Variants in VPS13D observed in about 807,000 individuals in gnomAD.
The protein encoded by VPS13D is vacuolar protein sorting 13 homolog D, also known as intermembrane lipid transfer protein VPS13D.
Under a neutral mutation model 461.9 loss-of-function variants are expected in VPS13D, and 187 were observed. The ratio of observed to expected loss-of-function variants is 0.40; its 90% confidence interval spans 0.36 to 0.46. The LOEUF is 0.46. VPS13D is among the 20% of genes least tolerant of loss of function. VPS13D has a pLI of 0.60. For missense variants in VPS13D, 4,711 were observed against 5,364.9 expected, an observed-to-expected ratio of 0.88 and a Z score of 3.81; for synonymous variants, 1,951 against 1,986.3, an observed-to-expected ratio of 0.98 and a Z score of 0.47.
At chr1:12,353,564 T>G (rs1212862539) in intron 46 of VPS13D, among the ~76,000 whole-genome samples, 1 of 125,112 alleles carries the variant, frequency 8.0e-6, no homozygotes, top group Non-Finnish European at 1.7e-5. Context: ...AAACCAGACA[T>G]AAAGAGTAGT....
chr1:12,281,463 C>T (rs187485397), intron 20 of VPS13D, among the ~76,000 whole-genome samples: 1 of 152,152 alleles, frequency 6.6e-6, no homozygotes, highest in Non-Finnish European at 1.5e-5. Flanking sequence ...TGTTCGTGTG[C>T]CACTTAATTT....
chr1:12,402,831 A>G (rs1188752518), intron 62 of VPS13D: 1 of 152,236 alleles, frequency 6.6e-6, no homozygotes, highest in Non-Finnish European at 1.5e-5. Context: ...AGACTTTTGT[A>G]AAATCCTTGC....
At chr1:12,325,185 TGG>T (rs1437440475) in intron 35 of VPS13D, among the ~76,000 whole-genome samples, 1 of 152,062 alleles carries the variant, frequency 6.6e-6, no homozygotes, top group African/African-American at 2.4e-5. Flanking sequence ...CTCCAACTCC[TGG>T]GCTCAAGCAA....
chr1:12,375,384 A>G (rs936116202), intron 55 of VPS13D, among the ~76,000 whole-genome samples: 2 of 152,188 alleles, frequency 1.3e-5, no homozygotes, highest in African/African-American at 4.8e-5. Context: ...TTATGTACAT[A>G]TTTATATACT....
rs775115574 is a variant in VPS13D, at chr1:12,373,877, A to AGAGTTTAGAATACAAGGTTTTG, written c.10917+40_10917+41insGGAGTTTAGAATACAAGGTTTT. 1.3e-6 allele frequency: 2 copies of AGAGTTTAGAATACAAGGTTTTG among 1,587,900 alleles called. No individual in the cohort carries two copies. Among genetic ancestry groups the AGAGTTTAGAATACAAGGTTTTG allele is most frequent in the Admixed American group, 3.4e-5 (2 of 59,006 alleles). On this transcript the variant is annotated intron_variant, in intron 55 of 69. Transcript: ENST00000620676. ...AAAGAAGGTAAGAGAGCTTACAATC[A>AGAGTTTAGAATACAAGGTTTTG]GAGTTTAGAATACAAGGTTTTTAGC... is the stretch of plus-strand genomic sequence containing the variant.
rs574757618 is a variant in VPS13D at position 12,393,114 on chromosome 1, A to T, written c.11634+6780A>T. 7.9e-5 allele frequency among the ~76,000 whole-genome samples: 12 copies of T among 152,366 alleles called. No individual in the cohort carries two copies. The South Asian group carries it at 2.3e-3, about 29-fold the overall frequency. ...AGATCCCTAGAAATTTTGCTGAGGT[A>T]GAAGTTCCCTGAATTTTAGTCGGAT... On this transcript the variant is annotated intron_variant, in intron 60 of 69. Transcript: ENST00000620676.
chr1:12,314,707 T>TGAATTAACCATTCAAGTCTTACTGACTC (rs1381834331), intron 30 of VPS13D, among the ~76,000 whole-genome samples: 7 of 152,368 alleles, frequency 4.6e-5, no homozygotes, highest in Admixed American at 3.3e-4. Context: ...GGGTTTGACT[T>TGAATTAACCATTCAAGTCTTACTGACTC]GAATTACCCA....
At chr1:12,238,333 G>A (rs1275692761) in intron 2 of VPS13D, among the ~76,000 whole-genome samples, 1 of 151,248 alleles carries the variant, frequency 6.6e-6, no homozygotes, top group Non-Finnish European at 1.5e-5. Flanking sequence ...GGCTACTGAG[G>A]AGGCTGAGGC....
Position 12,506,950 on chromosome 1 carries a change from A to G in VPS13D, c.12892A>G (p.Ile4298Val), listed in dbSNP as rs748280069. 1.9e-6 allele frequency: 3 copies of G among 1,614,258 alleles called. No individual in the cohort carries two copies. Among genetic ancestry groups the G allele is most frequent in the East Asian group, 2.2e-5 (1 of 44,880 alleles). Residue 4298 changes from isoleucine to valine, a missense_variant, in exon 69 of 70, where the codon ATT becomes GTT. Transcript: ENST00000620676. ...TGGAGACTACGTGGATCGAGAAGCC[A>G]TTTTCCTAGAAGTCAAATACGATGA... ...KSGDYVDREA[I>V]FLEVKYDDLY...
At chr1:12,356,260 T>C (rs1464464243) in intron 48 of VPS13D, 138 bp from the exon 49 acceptor site, 3 of 1,402,160 alleles carry the variant, frequency 2.1e-6, no homozygotes, top group East Asian at 2.5e-5. Context: ...AAACTGTCTT[T>C]TTAGGCAAGA....
At chr1:12,333,515 G>T in intron 38 of VPS13D, 149 bp downstream of exon 38, 1 of 947,588 alleles carries the variant, frequency 1.1e-6, no homozygotes, top group Non-Finnish European at 1.5e-6. Context: ...AACCCTAATA[G>T]CCTCTTGATT....
At chr1:12,456,199 G>A in intron 66 of VPS13D, 69 bp downstream of exon 66, 1 of 1,525,384 alleles carries the variant, frequency 6.6e-7, no homozygotes, top group Non-Finnish European at 8.8e-7. Flanking sequence ...CAATCTGATT[G>A]CAGCTATAAA....
At chr1:12,462,676 G>A (rs568831617) in intron 67 of VPS13D, among the ~76,000 whole-genome samples, 4 of 152,294 alleles carry the variant, frequency 2.6e-5, no homozygotes, top group South Asian at 2.1e-4. Context: ...TCTCTTGTAC[G>A]TGTTTCAGAG....
At chr1:12,361,403 A>AT (rs1297978975) in intron 50 of VPS13D, among the ~76,000 whole-genome samples, 47 of 134,002 alleles carry the variant, frequency 3.5e-4, no homozygotes, top group South Asian at 2.6e-3. Context: ...TTATTTATTT[A>AT]TTTTTTTTTT....
chr1:12,431,513 A>AG (rs1644991675), intron 65 of VPS13D, among the ~76,000 whole-genome samples: 1 of 150,742 alleles, frequency 6.6e-6, no homozygotes, highest in African/African-American at 2.4e-5. Context: ...GGTAGGAGTG[A>AG]GGGGGAGAAA....
intron 60 of VPS13D, among the ~76,000 whole-genome samples, chr1:12,390,878 G>A (rs1436165332): frequency 6.6e-6 from 1 of 152,078 alleles, no homozygotes. Context: ...AGGAGTGGCT[G>A]GGGAAAGAGG....
At chr1:12,397,764 C>G (rs1254939207) in intron 60 of VPS13D, among the ~76,000 whole-genome samples, 2 of 152,124 alleles carry the variant, frequency 1.3e-5, no homozygotes, top group African/African-American at 4.8e-5. Flanking sequence ...GAAAAAGTGG[C>G]TCAGGAAGAT....
In VPS13D at chr1:12,333,297, C is replaced by G; in HGVS notation, c.8359C>G (p.Pro2787Ala). 6.2e-7 allele frequency: 1 copy of G among 1,614,152 alleles called. No homozygotes were observed. The highest frequency in any genetic ancestry group is 8.5e-7 in the Non-Finnish European group (1 of 1,179,992). Reference protein sequence around the residue: ...WQQQAASRLHPPRLKLEAKAK... With the variant: ...WQQQAASRLHAPRLKLEAKAK... ...ACAGCAGGCAGCTAGTCGTCTCCAT[C>G]CTCCTCGACTGAAGCTAGAAGCCAA... is the stretch of plus-strand genomic sequence containing the variant. The change falls in exon 38 of 70, where the codon CCT becomes GCT. Residue 2787 changes from proline to alanine, a missense_variant. Pro to Ala is a conservative substitution (Grantham distance 27). Coordinates refer to ENST00000620676, the MANE Select transcript of VPS13D (RefSeq NM_015378.4).
chr1:12,501,866 C>T (rs1034739357), intron 68 of VPS13D, among the ~76,000 whole-genome samples: 20 of 152,168 alleles, frequency 1.3e-4, no homozygotes, highest in Non-Finnish European at 2.4e-4. Flanking sequence ...AGTCGCCTGA[C>T]CTTGCAGGAG....
Sources: allele counts gnomAD v4.1 joint callset (sites outside exome capture counted in the v4.1 genomes callset), GRCh38; gene constraint gnomAD v4.1.1; transcripts MANE v1.5; gene names NCBI Gene and HGNC (gene_info 2026-07-23, HGNC 2026-07-21).